Variants in HDAC9 observed in about 807,000 individuals in gnomAD.
HDAC9 encodes histone deacetylase 9.
Under a neutral mutation model 139.4 loss-of-function variants are expected in HDAC9, and 41 were observed. The observed-to-expected ratio is 0.29, with a 90% CI of 0.23 to 0.38. HDAC9 has a LOEUF of 0.38. HDAC9 is among the 10% of genes least tolerant of loss of function. The pLI, the probability that HDAC9 is intolerant of heterozygous loss-of-function variation, is 1.00. For missense variants in HDAC9, 1,147 were observed against 1,297.0 expected (o/e 0.88, Z 1.78); for synonymous variants, 517 against 476.2 (o/e 1.09, Z -1.12).
intron 7 of HDAC9, 57 bp from the exon 8 acceptor site, chr7:18,634,570 A>G: frequency 9.6e-7 from 1 of 1,038,854 alleles, no homozygotes; most frequent in Non-Finnish European, 1.4e-6. Context: ...TACAGTAACT[A>G]AAGTTCATCT....
In HDAC9 at chr7:18,786,581, GCTGGCTTCCTTCCTTCCTTCCTTCCTTC is replaced by G. The variant is rs1409998094; in HGVS notation, c.2215-6761_2215-6734del. 2.5e-3 allele frequency among the ~76,000 whole-genome samples: 165 copies of G among 66,630 alleles called. 12 individuals carry two copies. The highest frequency in any genetic ancestry group is 0.01 in the African/African-American group (156 of 15,532). 43.7% of individuals were successfully genotyped at this position (66,630 alleles called of 152,430 possible). ...CTGTCACACCTCTTGGGTATGGCTG[GCTGGCTTCCTTCCTTCCTTCCTTCCTTC>G]CTTCCTTCCCTCCCTCCCTCCTTCC... On this transcript the variant is annotated intron_variant, in intron 16 of 25. Coordinates refer to ENST00000686413, the MANE Select transcript of HDAC9 (RefSeq NM_178425.4).
chr7:18,887,990 C>G (rs1177666339), intron 22 of HDAC9, among the ~76,000 whole-genome samples: 5 of 152,284 alleles, frequency 3.3e-5, no homozygotes, highest in African/African-American at 1.2e-4. Flanking sequence ...CAATATTTCT[C>G]CCACGTAGTT....
chr7:18,931,132 AG>A (rs1489712326), intron 22 of HDAC9, among the ~76,000 whole-genome samples: 1 of 152,222 alleles, frequency 6.6e-6, no homozygotes, highest in Non-Finnish European at 1.5e-5. Context: ...TATGATTAAC[AG>A]AAATGTGTCC....
At chr7:18,623,941 G>T (rs569284680) in intron 6 of HDAC9, among the ~76,000 whole-genome samples, 7 of 152,028 alleles carry the variant, frequency 4.6e-5, no homozygotes, top group South Asian at 4.1e-4. Context: ...TCCATTGCAG[G>T]GGGGGTAAAA....
chr7:18,209,749 G>A (rs1791797774), intron 2 of HDAC9, among the ~76,000 whole-genome samples: 1 of 151,710 alleles, frequency 6.6e-6, no homozygotes, highest in South Asian at 2.1e-4. Context: ...TGCCCAGGCT[G>A]GAGTGCAGTG....
At chr7:18,675,009 G>T (rs1218291039) in intron 12 of HDAC9, among the ~76,000 whole-genome samples, 3 of 151,782 alleles carry the variant, frequency 2.0e-5, no homozygotes, top group Non-Finnish European at 4.4e-5. Flanking sequence ...TAATTTGAAT[G>T]ACCTCTTTAT....
At chr7:18,926,792 A>T (rs750837601) in intron 22 of HDAC9, among the ~76,000 whole-genome samples, 1 of 152,172 alleles carries the variant, frequency 6.6e-6, no homozygotes, top group Non-Finnish European at 1.5e-5. Context: ...TTAGGATACA[A>T]TTTATTCATT....
intron 2 of HDAC9, among the ~76,000 whole-genome samples, chr7:18,201,703 G>C (rs546347248): frequency 1.5e-4 from 23 of 152,188 alleles, no homozygotes; most frequent in Non-Finnish European, 1.5e-4. Context: ...CTTCTGGTGA[G>C]TGTTTCTCTT....
rs766486867 is a variant in HDAC9, at chr7:18,998,089, G to A, written c.*2027G>A. The A allele has an allele frequency of 5.3e-5, 8 of 152,074 alleles. No individual in the cohort carries two copies. The highest frequency in any genetic ancestry group is 1.2e-4 in the Non-Finnish European group (8 of 67,998). 9.4% of individuals were successfully genotyped at this position (152,074 alleles called of 1,614,324 possible). ...TTGAGGATATTTACTTAAAAAAATA[G>A]TAGAGCCAAAGGCTTAACAAAAGAC... On this transcript the variant is annotated 3_prime_UTR_variant, in exon 26 of 26. Transcript: ENST00000686413.
chr7:18,878,241 A>T (rs1799468944), intron 22 of HDAC9, among the ~76,000 whole-genome samples: 1 of 151,954 alleles, frequency 6.6e-6, no homozygotes, highest in African/African-American at 2.4e-5. Context: ...CACAACATAT[A>T]TTTTTTCTTC....
chr7:18,730,531 A>G (rs974540410), intron 13 of HDAC9, among the ~76,000 whole-genome samples: 1 of 152,158 alleles, frequency 6.6e-6, no homozygotes, highest in Non-Finnish European at 1.5e-5. Context: ...CATGGGGGCT[A>G]TTCTAAGACT....
chr7:18,213,296 A>G (rs1170084998), intron 2 of HDAC9, among the ~76,000 whole-genome samples: 2 of 151,884 alleles, frequency 1.3e-5, no homozygotes, highest in Non-Finnish European at 2.9e-5. Flanking sequence ...CTCCCCCTCC[A>G]TTTTTCTCCT....
chr7:18,511,923 G>A (rs1425889605), intron 2 of HDAC9, among the ~76,000 whole-genome samples: 1 of 150,526 alleles, frequency 6.6e-6, no homozygotes, highest in Non-Finnish European at 1.5e-5. Flanking sequence ...AGCCATATGG[G>A]TTTTCTTTTA....
intron 1 of HDAC9, among the ~76,000 whole-genome samples, chr7:18,298,857 T>G (rs1798329712): frequency 1.3e-5 from 2 of 152,194 alleles, no homozygotes; most frequent in Non-Finnish European, 2.9e-5. Context: ...AACTGAAATT[T>G]TATTAAAAGT....
chr7:18,662,032 C>G (rs1214137769), intron 11 of HDAC9, among the ~76,000 whole-genome samples: 1 of 152,076 alleles, frequency 6.6e-6, no homozygotes, highest in Non-Finnish European at 1.5e-5. Flanking sequence ...ATAATACGTT[C>G]CATGGAAACT....
intron 12 of HDAC9, among the ~76,000 whole-genome samples, chr7:18,720,102 A>T (rs762855723): frequency 6.6e-6 from 1 of 152,136 alleles, no homozygotes; most frequent in Non-Finnish European, 1.5e-5. Context: ...GGATATCTTC[A>T]TAGAGTTTAT....
In HDAC9 at chr7:18,938,191, A is replaced by C. The variant is rs192425733; in HGVS notation, c.2937+2249A>C. Among the ~76,000 whole-genome samples, 59 of 138,294 alleles carry C rather than the reference A, an allele frequency of 4.3e-4. No individual in the cohort carries two copies. In the East Asian group the frequency reaches 0.01, roughly 24 times the overall value. 90.7% of individuals were successfully genotyped at this position (138,294 alleles called of 152,430 possible). ...TGATGGCATGAGCCGAGATCCCGCC[A>C]CTGCACTCCAGCCTGGGCGACAGAG... On this transcript the variant is annotated intron_variant, in intron 23 of 25. Transcript: ENST00000686413.
intron 22 of HDAC9, among the ~76,000 whole-genome samples, chr7:18,910,672 C>T (rs1317436864): frequency 6.6e-6 from 1 of 151,768 alleles, no homozygotes; most frequent in African/African-American, 2.4e-5. Context: ...TCACAGTTGG[C>T]TGCGGGTTCA....
intron 2 of HDAC9, among the ~76,000 whole-genome samples, chr7:18,568,026 GTATATATATATATATA>G (rs36203178): frequency 7.9e-6 from 1 of 126,814 alleles, no homozygotes; most frequent in African/African-American, 3.1e-5. Context: ...ATATGTATAT[GTATATATATATATATA>G]TATATATATA....
Sources: gnomAD v4.1 joint callset for allele counts (sites outside exome capture counted in the v4.1 genomes callset) on GRCh38, gnomAD v4.1.1 for gene constraint, MANE v1.5 for transcripts, NCBI Gene and HGNC (gene_info 2026-07-23, HGNC 2026-07-21) for gene names.